Variants in RANBP2 observed in about 807,000 individuals in gnomAD.
RANBP2 encodes E3 SUMO-protein ligase RanBP2.
RANBP2 carries 57 observed loss-of-function variants against 303.6 expected under a neutral mutation model. That is an observed-to-expected ratio of 0.19 (90% CI 0.15 to 0.23). RANBP2 has a LOEUF of 0.23. RANBP2 is among the 10% of genes least tolerant of loss of function. The probability of loss-of-function intolerance (pLI) is 1.00; values close to 1 mark genes in which losing one functional copy is unlikely to be tolerated. For synonymous variants in RANBP2, 1,167 were observed against 1,301.5 expected (o/e 0.90, Z 2.23); for missense variants, 3,138 against 3,780.8 (o/e 0.83, Z 4.46).
At chr2:108,840,040 A>G in the RANBP2 span, among the ~76,000 whole-genome samples, 680 of 151,456 alleles carry the variant, frequency 4.5e-3, 1 homozygote, top group Non-Finnish European at 7.0e-3. Context: ...CTGTATTCCT[A>G]TTTTTCTGAG....
the RANBP2 span, among the ~76,000 whole-genome samples, chr2:109,117,637 C>T: frequency 2.0e-3 from 298 of 152,346 alleles, 1 homozygote; most frequent in African/African-American, 6.7e-3. Flanking sequence ...GTGCGCTGCA[C>T]GCACTGTCCT....
chr2:109,618,375 A>G, the RANBP2 span: 6 of 167,100 alleles, frequency 3.6e-5, no homozygotes, highest in Admixed American at 1.3e-4. Context: ...TCTTAAATGT[A>G]TATGTTGGTC....
At chr2:109,395,478 G>A in the RANBP2 span, among the ~76,000 whole-genome samples, 1 of 152,166 alleles carries the variant, frequency 6.6e-6, no homozygotes, top group Non-Finnish European at 1.5e-5. Context: ...CTTTGGATGA[G>A]GCATTGAGGA....
chr2:109,365,722 T>C, the RANBP2 span, among the ~76,000 whole-genome samples: 2 of 152,202 alleles, frequency 1.3e-5, no homozygotes, highest in Admixed American at 1.3e-4. Flanking sequence ...TCAAGGAACA[T>C]TTATGTTATT....
the RANBP2 span, chr2:108,897,079 G>C: frequency 7.4e-6 from 12 of 1,614,192 alleles, no homozygotes; most frequent in Non-Finnish European, 1.0e-5. Context: ...CATGCCGTCT[G>C]TCATGCCCCC....
chr2:109,351,377 G>A, the RANBP2 span, among the ~76,000 whole-genome samples: 1 of 152,232 alleles, frequency 6.6e-6, no homozygotes, highest in South Asian at 2.1e-4. Flanking sequence ...ACTCTGTGGT[G>A]TGCTGAGAAC....
chr2:109,078,061 T>G, the RANBP2 span, among the ~76,000 whole-genome samples: 2 of 119,294 alleles, frequency 1.7e-5, no homozygotes, highest in African/African-American at 3.1e-5. Flanking sequence ...ACAACCTAAC[T>G]GTCCATTGAC....
chr2:109,206,675 G>A, the RANBP2 span, among the ~76,000 whole-genome samples: 5 of 152,012 alleles, frequency 3.3e-5, no homozygotes, highest in South Asian at 2.1e-4. Context: ...AATTAGCTGG[G>A]CATATTAGTG....
chr2:109,652,806 G>T, the RANBP2 span, among the ~76,000 whole-genome samples: 2 of 152,162 alleles, frequency 1.3e-5, no homozygotes, highest in Admixed American at 6.5e-5. Flanking sequence ...TGCTCTGACT[G>T]GTAGAACACA....
chr2:109,120,426 A>G, the RANBP2 span, among the ~76,000 whole-genome samples: 1 of 152,160 alleles, frequency 6.6e-6, no homozygotes, highest in Non-Finnish European at 1.5e-5. Flanking sequence ...GTGGTCCCCA[A>G]GGATGTAAGG....
Position 108,753,558 on chromosome 2 carries a change from G to T in RANBP2, c.2050G>T (p.Ala684Ser), listed in dbSNP as rs1676073283. Residue 684 changes from alanine (A) to serine (S), a missense_variant, in exon 14 of 29, where the codon GCA (alanine) becomes TCA (serine). Physicochemically the swap from Ala to Ser is moderately conservative, Grantham distance 99. Around this residue, in one of 20 missense-constraint regions of RANBP2, gnomAD observed 194 missense variants for 197.4 expected, o/e 0.98. Transcript: ENST00000283195. ...AAGTGTTGTTTCTTATTGGAATCTT[G>T]CACTGGTAAGTAGATGCAGTACTTG... ...IKSVVSYWNL[A>S]LIFHRKAEDI... 1 of 1,611,496 alleles carries T rather than the reference G, an allele frequency of 6.2e-7. No individual in the cohort carries two copies. The highest frequency in any genetic ancestry group is 8.5e-7 in the Non-Finnish European group (1 of 1,179,718).
At chr2:109,352,980 G>C in the RANBP2 span, among the ~76,000 whole-genome samples, 2 of 152,246 alleles carry the variant, frequency 1.3e-5, no homozygotes, top group East Asian at 3.9e-4. Flanking sequence ...CTCTCCATGG[G>C]CACGCCTGGC....
the RANBP2 span, among the ~76,000 whole-genome samples, chr2:109,328,706 C>T: frequency 6.6e-6 from 1 of 152,190 alleles, no homozygotes; most frequent in African/African-American, 2.4e-5. Flanking sequence ...TGCTCCTGGT[C>T]ATCACTGTGT....
At chr2:109,255,420 A>G in the RANBP2 span, among the ~76,000 whole-genome samples, 1 of 152,306 alleles carries the variant, frequency 6.6e-6, no homozygotes, top group African/African-American at 2.4e-5. Context: ...CTCAATGATC[A>G]GTATGAAGGT....
the RANBP2 span, chr2:109,667,191 A>G: frequency 7.7e-7 from 1 of 1,299,594 alleles, no homozygotes; most frequent in Non-Finnish European, 1.1e-6. Context: ...AGCCTTGCAG[A>G]AAGCCTTGCC....
the RANBP2 span, among the ~76,000 whole-genome samples, chr2:109,509,303 C>T: frequency 6.6e-6 from 1 of 152,314 alleles, no homozygotes; most frequent in African/African-American, 2.4e-5. Flanking sequence ...AGTGTGCAAA[C>T]CCACGTGCCT....
chr2:109,626,312 T>C, the RANBP2 span, among the ~76,000 whole-genome samples: 4 of 151,968 alleles, frequency 2.6e-5, no homozygotes, highest in African/African-American at 9.7e-5. Context: ...AAACCCCATC[T>C]CTACTGAAAA....
At chr2:108,842,943 G>A in the RANBP2 span, among the ~76,000 whole-genome samples, 1 of 152,034 alleles carries the variant, frequency 6.6e-6, no homozygotes, top group Non-Finnish European at 1.5e-5. Flanking sequence ...AACCTTTTCT[G>A]TATACGCTTA....
the RANBP2 span, among the ~76,000 whole-genome samples, chr2:109,072,425 G>A: frequency 6.6e-6 from 1 of 152,148 alleles, no homozygotes. Flanking sequence ...GATACTTAGG[G>A]CATCTGGTTG....
Sources: gnomAD v4.1 joint callset for allele counts (sites outside exome capture counted in the v4.1 genomes callset) on GRCh38, gnomAD v4.1.1 for gene constraint, gnomAD v4.1.1 regional missense constraint, MANE v1.5 for transcripts, NCBI Gene and HGNC (gene_info 2026-07-23, HGNC 2026-07-21) for gene names.